SOX5: variants seen among roughly 807,000 people sequenced by gnomAD.
SOX5 encodes SRY-box transcription factor 5.
Under a neutral mutation model 92.0 loss-of-function variants are expected in SOX5, and 9 were observed. The ratio of observed to expected loss-of-function variants is 0.10; its 90% CI spans 0.06 to 0.17. SOX5 has a LOEUF of 0.17. SOX5 is among the 10% of genes least tolerant of loss of function. The probability of loss-of-function intolerance (pLI) is 1.00; values close to 1 mark genes in which losing one functional copy is unlikely to be tolerated. For synonymous variants in SOX5, 344 were observed against 336.3 expected, an observed-to-expected ratio of 1.02 and a Z score of -0.25; for missense variants, 642 against 944.5, an observed-to-expected ratio of 0.68 and a Z score of 4.20.
chr12:23,802,594 T>C (rs1448026739), intron 3 of SOX5, among the ~76,000 whole-genome samples: 1 of 152,154 alleles, frequency 6.6e-6, no homozygotes, highest in Non-Finnish European at 1.5e-5. Context: ...TCTGTGTGAT[T>C]ATCCTCAATA....
chr12:23,954,515 T>C (rs899012482), upstream of SOX5, among the ~76,000 whole-genome samples: 1 of 152,000 alleles, frequency 6.6e-6, no homozygotes, highest in Non-Finnish European at 1.5e-5. Context: ...CTGTGAGTCA[T>C]TCACCAGATG....
intron 1 of SOX5, among the ~76,000 whole-genome samples, chr12:24,424,629 C>A (rs374581983): frequency 2.0e-5 from 3 of 152,070 alleles, no homozygotes; most frequent in African/African-American, 7.2e-5. Flanking sequence ...TCTGTTGTAA[C>A]GACCTCTGCA....
At chr12:24,395,388 G>C (rs979722308) in intron 1 of SOX5, among the ~76,000 whole-genome samples, 6 of 152,290 alleles carry the variant, frequency 3.9e-5, no homozygotes, top group South Asian at 2.1e-4. Flanking sequence ...AGCATGAGTG[G>C]TGATTTGACA....
intron 8 of SOX5, among the ~76,000 whole-genome samples, chr12:23,640,407 A>G (rs1185912201): frequency 6.6e-6 from 1 of 152,190 alleles, no homozygotes; most frequent in East Asian, 1.9e-4. Context: ...AGACCATTTC[A>G]ATGATACTGG....
At chr12:23,627,506 T>A (rs1308394432) in intron 8 of SOX5, among the ~76,000 whole-genome samples, 1 of 152,164 alleles carries the variant, frequency 6.6e-6, no homozygotes, top group South Asian at 2.1e-4. Flanking sequence ...TTTGCCAGTT[T>A]TATACCCTTG....
intron 3 of SOX5, among the ~76,000 whole-genome samples, chr12:23,783,052 AG>A (rs1276872972): frequency 6.6e-6 from 1 of 152,176 alleles, no homozygotes; most frequent in African/African-American, 2.4e-5. Context: ...TGACCATTGT[AG>A]GTATCTAAAT....
intron 4 of SOX5, among the ~76,000 whole-genome samples, chr12:24,119,626 C>T (rs1948417482): frequency 6.6e-6 from 1 of 151,928 alleles, no homozygotes; most frequent in Non-Finnish European, 1.5e-5. Context: ...AATAAATTTC[C>T]TTTAATTATG....
At chr12:23,913,760 A>C (rs764795978) in intron 1 of SOX5, among the ~76,000 whole-genome samples, 27 of 151,350 alleles carry the variant, frequency 1.8e-4, no homozygotes, top group African/African-American at 3.2e-4. Context: ...AAAAAAAAAG[A>C]AAGCAAGCAC....
intron 2 of SOX5, among the ~76,000 whole-genome samples, chr12:23,872,167 T>TTTTC (rs2096881523): frequency 8.4e-6 from 1 of 119,232 alleles, no homozygotes; most frequent in Admixed American, 8.2e-5. Context: ...CCGGCTAATT[T>TTTTC]TTTTTTTTTT....
chr12:23,942,260 T>A (rs1300458145), intron 1 of SOX5, among the ~76,000 whole-genome samples: 1 of 151,814 alleles, frequency 6.6e-6, no homozygotes, highest in Non-Finnish European at 1.5e-5. Context: ...TAGATAAATA[T>A]AAAATAGCTT....
chr12:24,556,187 A>T (rs931058920), intron 1 of SOX5, among the ~76,000 whole-genome samples: 3 of 152,012 alleles, frequency 2.0e-5, no homozygotes, highest in African/African-American at 7.2e-5. Context: ...CCCCTAATAA[A>T]CTTCTTACAG....
chr12:23,875,140 G>A (rs2096914102), intron 2 of SOX5, among the ~76,000 whole-genome samples: 1 of 152,166 alleles, frequency 6.6e-6, no homozygotes, highest in Non-Finnish European at 1.5e-5. Context: ...ATAGTTGAGG[G>A]GGAGTTTTAC....
chr12:24,038,180 T>C (rs1051262427), intron 4 of SOX5, among the ~76,000 whole-genome samples: 2 of 152,178 alleles, frequency 1.3e-5, no homozygotes, highest in African/African-American at 4.8e-5. Context: ...AATAAACCTT[T>C]CTTCCAGCCA....
chr12:23,683,800 T>C (rs939187018), intron 6 of SOX5, among the ~76,000 whole-genome samples: 4 of 152,054 alleles, frequency 2.6e-5, no homozygotes, highest in African/African-American at 9.7e-5. Flanking sequence ...AATCATCCTC[T>C]GCACTAACCC....
At chr12:24,428,822 T>C (rs10505940) in intron 1 of SOX5, among the ~76,000 whole-genome samples, 17,698 of 148,324 alleles carry the variant, frequency 0.12, 1,094 homozygotes, top group Middle Eastern at 0.21. Context: ...ACAACGATTT[T>C]GCAACTTCAA....
intron 8 of SOX5, among the ~76,000 whole-genome samples, 186 bp from the exon 9 acceptor site, chr12:23,604,719 A>C (rs565857021): frequency 1.3e-5 from 2 of 152,330 alleles, no homozygotes; most frequent in Admixed American, 6.5e-5. Context: ...GAAATGACAG[A>C]TACTACATAT....
intron 9 of SOX5, among the ~76,000 whole-genome samples, chr12:23,587,828 A>C (rs2127309): frequency 0.92 from 140,224 of 151,992 alleles, 65,765 homozygotes; most frequent in East Asian, 1. Context: ...ACTAATATTG[A>C]AAGAAGTGAA....
intron 3 of SOX5, among the ~76,000 whole-genome samples, chr12:24,228,783 C>T (rs953900871): frequency 2.6e-5 from 4 of 152,140 alleles, no homozygotes; most frequent in Admixed American, 6.5e-5. Flanking sequence ...TTCAACTCCT[C>T]GGGATTCTGC....
At chr12:24,089,825 T>C (rs1399627173) in intron 4 of SOX5, among the ~76,000 whole-genome samples, 3 of 152,202 alleles carry the variant, frequency 2.0e-5, no homozygotes, top group African/African-American at 7.2e-5. Flanking sequence ...TCAGCTATTA[T>C]ATTCCCTTCT....
Sources: gnomAD v4.1 joint callset for allele counts (sites outside exome capture counted in the v4.1 genomes callset) on GRCh38, gnomAD v4.1.1 for gene constraint, MANE v1.5 for transcripts, NCBI Gene and HGNC (gene_info 2026-07-23, HGNC 2026-07-21) for gene names.